Variants in RSPH14 observed in about 807,000 individuals in gnomAD.
RSPH14 encodes the protein rhabdoid tumor deletion region gene 1.
Under a neutral mutation model 26.7 loss-of-function variants are expected in RSPH14, and 20 were observed. That is an observed-to-expected ratio of 0.75 (90% confidence interval 0.53 to 1.09). The LOEUF (loss-of-function observed/expected upper bound fraction) is 1.09, where lower values mean the gene tolerates loss of function less well. Among genes scored for constraint, RSPH14 ranks in the 50% least tolerant of loss-of-function variants. RSPH14 has a pLI of 0.00. For synonymous variants in RSPH14, 177 were observed against 189.3 expected (o/e 0.93, Z 0.53); for missense variants, 449 against 457.2 (o/e 0.98, Z 0.16).
intron 4 of RSPH14, among the ~76,000 whole-genome samples, chr22:23,090,240 C>T (rs2068931659): frequency 6.6e-6 from 1 of 152,110 alleles, no homozygotes; most frequent in African/African-American, 2.4e-5. Flanking sequence ...TCTCCAAGAG[C>T]AGCCCCTGCT....
chr22:23,177,247 A>T, the RSPH14 span, among the ~76,000 whole-genome samples: 1 of 152,036 alleles, frequency 6.6e-6, no homozygotes, highest in Non-Finnish European at 1.5e-5. Context: ...CTCCCCTGGC[A>T]AGCCTTTCCC....
intron 4 of RSPH14, among the ~76,000 whole-genome samples, chr22:23,089,948 G>T (rs1161713327): frequency 3.9e-5 from 6 of 152,170 alleles, no homozygotes; most frequent in Admixed American, 3.9e-4. Flanking sequence ...GCCCACTAGG[G>T]CTTCTTGGCC....
chr22:23,062,453 C>T (rs1052559337), intron 5 of RSPH14, among the ~76,000 whole-genome samples: 1 of 152,188 alleles, frequency 6.6e-6, no homozygotes, highest in Non-Finnish European at 1.5e-5. Context: ...CCAAAAGTTT[C>T]CTGAGAGAGG....
At chr22:23,176,999 G>A in the RSPH14 span, among the ~76,000 whole-genome samples, 2 of 152,228 alleles carry the variant, frequency 1.3e-5, no homozygotes, top group East Asian at 3.8e-4. Context: ...CATGCCCATG[G>A]TACTGGCAAG....
At chr22:23,135,477 G>A (rs1037090262) in intron 3 of RSPH14, among the ~76,000 whole-genome samples, 6 of 138,872 alleles carry the variant, frequency 4.3e-5, no homozygotes, top group Non-Finnish European at 9.6e-5. Flanking sequence ...GGGTGACAGA[G>A]CGAGACTCTG....
chr22:23,083,588 A>G (rs2068735993), intron 4 of RSPH14, among the ~76,000 whole-genome samples: 1 of 152,090 alleles, frequency 6.6e-6, no homozygotes. Context: ...AGGGTAGAGC[A>G]GGAGCCCAGA....
chr22:23,065,801 C>T (rs1216903166), intron 4 of RSPH14, among the ~76,000 whole-genome samples: 2 of 152,108 alleles, frequency 1.3e-5, no homozygotes, highest in Non-Finnish European at 2.9e-5. Flanking sequence ...ACACTGAGTC[C>T]CAGCTACAAG....
At chr22:23,082,903 C>CA (rs2068721554) in intron 4 of RSPH14, among the ~76,000 whole-genome samples, 1 of 152,116 alleles carries the variant, frequency 6.6e-6, no homozygotes, top group Non-Finnish European at 1.5e-5. Context: ...GTCTTCCCCC[C>CA]AAACCTTGCC....
At chr22:23,112,252 GC>G (rs2146365821) in intron 4 of RSPH14, among the ~76,000 whole-genome samples, 1 of 152,338 alleles carries the variant, frequency 6.6e-6, no homozygotes, top group African/African-American at 2.4e-5. Flanking sequence ...AGCTGCCACA[GC>G]CCCAGGCCCT....
chr22:23,112,811 G>A (rs1029529730), intron 4 of RSPH14, among the ~76,000 whole-genome samples: 2 of 152,260 alleles, frequency 1.3e-5, no homozygotes, highest in South Asian at 2.1e-4. Context: ...TGGGGATAGG[G>A]ACCTGGCTGC....
chr22:23,173,593 A>G, the RSPH14 span, among the ~76,000 whole-genome samples: 1 of 149,324 alleles, frequency 6.7e-6, no homozygotes, highest in Non-Finnish European at 1.5e-5. Context: ...GACACATGCC[A>G]CAATGCTCAG....
chr22:23,168,617 C>A, the RSPH14 span, among the ~76,000 whole-genome samples: 34,092 of 152,162 alleles, frequency 0.22, 4,409 homozygotes, highest in East Asian at 0.34. Context: ...CATATGTCAG[C>A]CTTCCCCTGA....
intron 4 of RSPH14, among the ~76,000 whole-genome samples, chr22:23,070,142 T>C (rs1053207080): frequency 1.3e-5 from 2 of 151,798 alleles, no homozygotes; most frequent in African/African-American, 4.8e-5. Flanking sequence ...CCCGCCCCTG[T>C]CCGTCCCCAT....
At chr22:23,069,749 C>A (rs539332979) in intron 4 of RSPH14, among the ~76,000 whole-genome samples, 2 of 152,108 alleles carry the variant, frequency 1.3e-5, no homozygotes, top group African/African-American at 4.8e-5. Context: ...ATGCTCCCTC[C>A]CATCGCTGCA....
At chr22:23,091,613 C>T (rs771138827) in intron 4 of RSPH14, among the ~76,000 whole-genome samples, 3 of 151,916 alleles carry the variant, frequency 2.0e-5, no homozygotes, top group Non-Finnish European at 4.4e-5. Context: ...TGCATACACG[C>T]ATATGCACCG....
chr22:23,165,521 C>T, the RSPH14 span, among the ~76,000 whole-genome samples: 1 of 152,224 alleles, frequency 6.6e-6, no homozygotes, highest in Admixed American at 6.5e-5. Context: ...TCGGGAAGGA[C>T]ACTTCATGCC....
chr22:23,103,751 C>T (rs1327633671), intron 4 of RSPH14, among the ~76,000 whole-genome samples: 1 of 152,234 alleles, frequency 6.6e-6, no homozygotes, highest in Non-Finnish European at 1.5e-5. Flanking sequence ...TGTGTGGGCC[C>T]TGGGCCTGAC....
chr22:23,134,459 GA>G (rs1452505088), intron 3 of RSPH14, among the ~76,000 whole-genome samples: 2 of 145,940 alleles, frequency 1.4e-5, no homozygotes, highest in Admixed American at 1.4e-4. Context: ...AAGCCAATTA[GA>G]TGAGAAGAGG....
intron 4 of RSPH14, chr22:23,070,732 A>T (rs1468330049): frequency 2.0e-5 from 3 of 151,960 alleles, no homozygotes; most frequent in Non-Finnish European, 4.4e-5. Context: ...GGTGGGGGAC[A>T]CCAAGGGCGG....
Sources: gnomAD v4.1 joint callset for allele counts (sites outside exome capture counted in the v4.1 genomes callset) on GRCh38, gnomAD v4.1.1 for gene constraint, MANE v1.5 for transcripts, NCBI Gene and HGNC (gene_info 2026-07-23, HGNC 2026-07-21) for gene names.